The following MRTFB variants were observed in gnomAD, a reference collection of about 807,000 sequenced individuals.
The protein encoded by MRTFB is myocardin-related transcription factor B.
Under a neutral mutation model 104.2 loss-of-function variants are expected in MRTFB, and 29 were observed. The observed-to-expected ratio is 0.28, with a 90% CI of 0.21 to 0.38. The LOEUF is 0.38. Among genes scored for constraint, MRTFB ranks in the 10% least tolerant of loss-of-function variants. MRTFB has a pLI of 1.00. For synonymous variants in MRTFB, 535 were observed against 519.5 expected (o/e 1.03, Z -0.41); for missense variants, 1,270 against 1,341.6 (o/e 0.95, Z 0.83).
At chr16:14,080,664 G>A (rs144794531) in intron 2 of MRTFB, among the ~76,000 whole-genome samples, 212 of 151,608 alleles carry the variant, frequency 1.4e-3, no homozygotes, top group South Asian at 2.9e-3. Flanking sequence ...ACCTGCCCCC[G>A]ACCTTCTAAC....
chr16:14,151,459 A>G (rs1433960135), intron 3 of MRTFB: 4 of 152,216 alleles, frequency 2.6e-5, no homozygotes, highest in African/African-American at 9.6e-5. Flanking sequence ...GTTCAAAGTC[A>G]TGTTGTTCAA....
the MRTFB span, among the ~76,000 whole-genome samples, chr16:14,058,419 CCAATTCTTCCTCATGAGCCGGGCAATGTA>C: frequency 2.3e-5 from 3 of 129,298 alleles, no homozygotes; most frequent in Admixed American, 2.6e-4. Flanking sequence ...GGAATTTAGT[CCAATTCTTCCTCATGAGCCGGGCAATGTA>C]CCCAAGTTTG....
intron 1 of MRTFB, among the ~76,000 whole-genome samples, chr16:14,077,198 T>A (rs991776931): frequency 6.6e-6 from 1 of 152,246 alleles, no homozygotes; most frequent in Non-Finnish European, 1.5e-5. Context: ...ATTTCTGGAA[T>A]CTGCCCGTGT....
chr16:14,247,471 C>G lies in MRTFB; in HGVS notation c.2211C>G (p.Thr737=). The change falls in exon 12 of 17, where the codon ACC becomes ACG. Residue 737 remains threonine, a synonymous_variant. Coordinates refer to ENST00000571589, the MANE Select transcript of MRTFB (RefSeq NM_001308142.2). Reference sequence around the variant, plus strand: ...TGTCCATCCAGGGCTCGAGTGTCACCTCAGTGCAACTCCCTGTAGGCAGCC... The same window carrying G: ...TGTCCATCCAGGGCTCGAGTGTCACGTCAGTGCAACTCCCTGTAGGCAGCC... ...LPVSIQGSSV[T]SVQLPVGSLK... The G allele has an allele frequency of 6.3e-7, 1 of 1,580,024 alleles. No individual in the cohort carries two copies. The highest frequency in any genetic ancestry group is 8.6e-7 in the Non-Finnish European group (1 of 1,168,010).
At chr16:14,022,197 G>T in the MRTFB span, among the ~76,000 whole-genome samples, 4 of 152,164 alleles carry the variant, frequency 2.6e-5, no homozygotes, top group East Asian at 7.7e-4. Flanking sequence ...GTCTACATGT[G>T]TTTGGAGAGC....
chr16:14,141,024 G>A, intron 3 of MRTFB: 2 of 360,760 alleles, frequency 5.5e-6, no homozygotes. Flanking sequence ...AGCACAAGCA[G>A]ATGATTTCAT....
At chr16:14,097,998 G>T (rs1274114668) in intron 2 of MRTFB, among the ~76,000 whole-genome samples, 1 of 152,142 alleles carries the variant, frequency 6.6e-6, no homozygotes, top group African/African-American at 2.4e-5. Flanking sequence ...TTGTTGATGT[G>T]TTTACTGTTG....
chr16:14,064,148 G>T, the MRTFB span, among the ~76,000 whole-genome samples: 1 of 152,036 alleles, frequency 6.6e-6, no homozygotes, highest in African/African-American at 2.4e-5. Flanking sequence ...GTTATTTTTT[G>T]ACTTTTTAAT....
chr16:14,108,497 C>T (rs2036110527), intron 2 of MRTFB, among the ~76,000 whole-genome samples: 1 of 152,160 alleles, frequency 6.6e-6, no homozygotes, highest in African/African-American at 2.4e-5. Flanking sequence ...ACATAATCAT[C>T]TGTCTGGCTG....
chr16:14,176,801 T>TA (rs1167386190), intron 3 of MRTFB, among the ~76,000 whole-genome samples: 1 of 152,230 alleles, frequency 6.6e-6, no homozygotes, highest in Admixed American at 6.5e-5. Context: ...TACAGTGCTG[T>TA]AAAATGTGAG....
chr16:14,192,106 C>T (rs1462974835), intron 3 of MRTFB, among the ~76,000 whole-genome samples: 1 of 151,778 alleles, frequency 6.6e-6, no homozygotes, highest in Non-Finnish European at 1.5e-5. Context: ...CACGGTGGCT[C>T]ACACCTATAA....
chr16:14,244,476 A>G (rs1300571383), intron 10 of MRTFB, among the ~76,000 whole-genome samples: 3 of 152,220 alleles, frequency 2.0e-5, no homozygotes, highest in Non-Finnish European at 2.9e-5. Context: ...GTTTCAAAGA[A>G]AAGATGTTTT....
the MRTFB span, among the ~76,000 whole-genome samples, chr16:13,997,415 TG>T: frequency 6.6e-6 from 1 of 152,200 alleles, no homozygotes; most frequent in Admixed American, 6.5e-5. Flanking sequence ...GTCTCTTTTA[TG>T]CCCAGTGTTT....
intron 3 of MRTFB, among the ~76,000 whole-genome samples, chr16:14,175,126 G>A (rs553949249): frequency 2.6e-5 from 4 of 151,046 alleles, no homozygotes; most frequent in Non-Finnish European, 2.9e-5. Flanking sequence ...CTGTTCCCAC[G>A]AGTAACCTTG....
At chr16:14,210,993 A>AT (rs913890841) in intron 4 of MRTFB, among the ~76,000 whole-genome samples, 3 of 152,118 alleles carry the variant, frequency 2.0e-5, no homozygotes, top group Admixed American at 1.3e-4. Context: ...GTGTATCTGG[A>AT]TTTTGTGTAA....
At chr16:14,195,370 C>T (rs557262228) in intron 3 of MRTFB, 21 of 267,380 alleles carry the variant, frequency 7.9e-5, no homozygotes, top group African/African-American at 4.6e-4. Flanking sequence ...GGATAACACA[C>T]AAGTTATGGC....
chr16:14,147,267 T>A (rs985675358), intron 3 of MRTFB, among the ~76,000 whole-genome samples: 7 of 152,222 alleles, frequency 4.6e-5, no homozygotes, highest in African/African-American at 7.2e-5. Flanking sequence ...TAAACACAAT[T>A]ATAGTTTTAA....
At chr16:14,099,706 C>T (rs1384937178) in intron 2 of MRTFB, among the ~76,000 whole-genome samples, 5 of 148,158 alleles carry the variant, frequency 3.4e-5, no homozygotes, top group South Asian at 2.1e-4. Flanking sequence ...CTCACTGTGT[C>T]GTCCAGGCTG....
At chr16:14,152,926 A>G (rs1203984321) in intron 3 of MRTFB, 1 of 152,230 alleles carries the variant, frequency 6.6e-6, no homozygotes, top group Non-Finnish European at 1.5e-5. Flanking sequence ...ATTCTGTTGT[A>G]GGAATGTAAT....
Sources: gnomAD v4.1 joint callset for allele counts (sites outside exome capture counted in the v4.1 genomes callset) on GRCh38, gnomAD v4.1.1 for gene constraint, MANE v1.5 for transcripts, NCBI Gene and HGNC (gene_info 2026-07-23, HGNC 2026-07-21) for gene names.